Variants in ALDH9A1 observed in about 807,000 individuals in gnomAD.
ALDH9A1 encodes 4-trimethylaminobutyraldehyde dehydrogenase.
In ALDH9A1, 42 loss-of-function variants were observed where a neutral mutation model predicts 56.6. That is an observed-to-expected ratio of 0.74 (90% CI 0.58 to 0.96). The LOEUF (loss-of-function observed/expected upper bound fraction) is 0.96. ALDH9A1 is among the 40% of genes least tolerant of loss of function. The pLI, the probability that ALDH9A1 is intolerant of heterozygous loss-of-function variation, is 0.00. For synonymous variants in ALDH9A1, 242 were observed against 236.0 expected (o/e 1.03, Z -0.23); for missense variants, 661 against 651.5 (o/e 1.01, Z -0.16).
Position 165,695,358 on chromosome 1 carries a change from T to C in ALDH9A1, c.221A>G (p.Glu74Gly). ...TGCATTTTGAACAGCCAAATTTACT[T>C]CCTTTTCTCCTGAACATGTGAAAGT... ...IATFTCSGEKEVNLAVQNAKA... is the reference protein window; with the variant it reads ...IATFTCSGEKGVNLAVQNAKA... The change falls in exon 2 of 11, where the codon GAA (glutamate) becomes GGA (glycine). Residue 74 changes from glutamate (E) to glycine (G), a missense_variant. Physicochemically the swap from Glu to Gly is moderately conservative, Grantham distance 98. Coordinates refer to ENST00000354775, the MANE Select transcript of ALDH9A1 (RefSeq NM_000696.4). 1.9e-6 allele frequency: 3 copies of C among 1,613,172 alleles called. No individual in the cohort carries two copies. The highest frequency in any genetic ancestry group is 2.5e-6 in the Non-Finnish European group (3 of 1,179,582).
At chr1:165,683,213 A>G (rs1249282497) in intron 2 of ALDH9A1, 103 bp from the exon 3 acceptor site, 9 of 1,195,908 alleles carry the variant, frequency 7.5e-6, no homozygotes, top group Non-Finnish European at 1.1e-5. Flanking sequence ...AACTAAAAAT[A>G]GCTTTCACTT....
intron 2 of ALDH9A1, among the ~76,000 whole-genome samples, chr1:165,687,848 C>T (rs1263835532): frequency 6.6e-6 from 1 of 151,836 alleles, no homozygotes; most frequent in African/African-American, 2.4e-5. Context: ...ATTAGCCAGG[C>T]ATGGTGGCAC....
intron 4 of ALDH9A1, among the ~76,000 whole-genome samples, chr1:165,681,618 G>C (rs768968421): frequency 1.1e-4 from 16 of 152,100 alleles, no homozygotes; most frequent in Non-Finnish European, 1.9e-4. Flanking sequence ...TTTAAATACT[G>C]TAAGAAAACT....
intron 6 of ALDH9A1, among the ~76,000 whole-genome samples, chr1:165,672,591 T>C (rs1190932501): frequency 6.6e-6 from 1 of 152,102 alleles, no homozygotes; most frequent in Admixed American, 6.5e-5. Flanking sequence ...ATAATGATGA[T>C]AGTTGTACAC....
At chr1:165,673,837 C>G (rs1214109742) in intron 6 of ALDH9A1, among the ~76,000 whole-genome samples, 1 of 152,096 alleles carries the variant, frequency 6.6e-6, no homozygotes, top group Non-Finnish European at 1.5e-5. Context: ...GGTGTTTGAA[C>G]TAGAGCAACT....
chr1:165,674,449 G>A (rs1421525897), intron 6 of ALDH9A1, among the ~76,000 whole-genome samples: 1 of 151,956 alleles, frequency 6.6e-6, no homozygotes, highest in Non-Finnish European at 1.5e-5. Flanking sequence ...CACTTTGGGA[G>A]GCCGAGGTGG....
intron 2 of ALDH9A1, among the ~76,000 whole-genome samples, chr1:165,686,424 C>T (rs913714279): frequency 6.6e-6 from 1 of 151,790 alleles, no homozygotes; most frequent in East Asian, 1.9e-4. Context: ...GATAGAGAAC[C>T]CCAGAAATCT....
intron 1 of ALDH9A1, among the ~76,000 whole-genome samples, chr1:165,696,894 G>A (rs1411864144): frequency 6.6e-6 from 1 of 152,182 alleles, no homozygotes; most frequent in African/African-American, 2.4e-5. Flanking sequence ...GGATTAAGTC[G>A]GGGTAGAGAA....
intron 2 of ALDH9A1, among the ~76,000 whole-genome samples, chr1:165,684,485 G>A (rs1263632267): frequency 6.6e-6 from 1 of 152,094 alleles, no homozygotes; most frequent in Admixed American, 6.6e-5. Context: ...TAGAAAGAGG[G>A]TACCCTAAGA....
chr1:165,670,266 C>G (rs1649134446), intron 6 of ALDH9A1, among the ~76,000 whole-genome samples: 1 of 152,072 alleles, frequency 6.6e-6, no homozygotes, highest in Non-Finnish European at 1.5e-5. Context: ...AACCCCATCT[C>G]TACAAAAAAC....
At position 165,683,958 on chromosome 1, in the gene ALDH9A1, C is replaced by T. The variant is rs536066267; in HGVS notation, c.328-848G>A. Among the ~76,000 whole-genome samples, 46 of 152,226 alleles carry T rather than the reference C, an allele frequency of 3.0e-4. No individual in the cohort carries two copies. The South Asian group carries it at 9.1e-3, about 30-fold the overall frequency. ...ATAATAGGGTGACTATCAGAACATA[C>T]ATAAAAGATTAAGCAACTGACAAGA... On this transcript the variant is annotated intron_variant, in intron 2 of 10. Coordinates refer to ENST00000354775, the MANE Select transcript of ALDH9A1 (RefSeq NM_000696.4).
intron 1 of ALDH9A1, among the ~76,000 whole-genome samples, chr1:165,696,354 A>G (rs1203225363): frequency 1.3e-5 from 2 of 152,164 alleles, no homozygotes; most frequent in African/African-American, 2.4e-5. Flanking sequence ...TTAACTTCTG[A>G]TTAAGTTTTG....
chr1:165,662,311 G>C lies in ALDH9A1; in HGVS notation c.*739C>G, dbSNP rs1648865926. Reference sequence around the variant, plus strand: ...AGGGTAGCTCCACTGGTGTAAGACAGCAGGCTGTAGTTCAAGGACCCAAGA... The same window carrying C: ...AGGGTAGCTCCACTGGTGTAAGACACCAGGCTGTAGTTCAAGGACCCAAGA... On this transcript the variant is annotated 3_prime_UTR_variant, in exon 11 of 11. Transcript: ENST00000354775. 6.6e-6 allele frequency: 1 copy of C among 152,112 alleles called. No homozygotes were observed. Among genetic ancestry groups the C allele is most frequent in the Admixed American group, 6.5e-5 (1 of 15,276 alleles). 9.4% of individuals were successfully genotyped at this position (152,112 alleles called of 1,614,324 possible). A position where few individuals can be genotyped will look rare whatever the true frequency, so the allele number is the denominator to read the frequency against.
chr1:165,665,390 T>C (rs1648977451), intron 9 of ALDH9A1, among the ~76,000 whole-genome samples: 1 of 152,180 alleles, frequency 6.6e-6, no homozygotes, highest in Admixed American at 6.5e-5. Context: ...TTTTAACAAA[T>C]GGTGCTGAAA....
Position 165,676,811 on chromosome 1 carries a change from T to C in ALDH9A1, c.930+2631A>G, listed in dbSNP as rs1571172826. ...TAGGTATAAAAAAATAAAAGACCTC[T>C]GGACTGCAAAATTGTTTCTCTTTAT... On this transcript the variant is annotated intron_variant, in intron 6 of 10. Coordinates refer to ENST00000354775, the MANE Select transcript of ALDH9A1 (RefSeq NM_000696.4). The C allele has an allele frequency of 1.2e-5, 5 of 401,372 alleles. No homozygotes were observed. The East Asian group carries it at 3.2e-4, about 26-fold the overall frequency. 24.9% of individuals were successfully genotyped at this position (401,372 alleles called of 1,614,324 possible).
intron 1 of ALDH9A1, among the ~76,000 whole-genome samples, chr1:165,696,613 C>T (rs532079295): frequency 1.0e-3 from 158 of 152,008 alleles, no homozygotes; most frequent in African/African-American, 3.6e-3. Context: ...ACCTTTATTC[C>T]CTCTCCCTAT....
intron 6 of ALDH9A1, among the ~76,000 whole-genome samples, chr1:165,672,115 T>C (rs1254853064): frequency 6.6e-6 from 1 of 152,212 alleles, no homozygotes; most frequent in Non-Finnish European, 1.5e-5. Flanking sequence ...CTTCTGGATA[T>C]ATACCCAAAA....
At chr1:165,672,721 G>C (rs1649218070) in intron 6 of ALDH9A1, among the ~76,000 whole-genome samples, 3 of 152,074 alleles carry the variant, frequency 2.0e-5, no homozygotes, top group African/African-American at 7.3e-5. Flanking sequence ...AGAATTGCTT[G>C]AGCTCAGGAG....
Position 165,695,383 on chromosome 1 carries a change from T to G in ALDH9A1, c.196A>C (p.Thr66Pro), listed in dbSNP as rs1385820395. 3 of 1,610,416 alleles carry G rather than the reference T, an allele frequency of 1.9e-6. No individual in the cohort carries two copies. The highest frequency in any genetic ancestry group is 1.7e-6 in the Non-Finnish European group (2 of 1,178,668). The change falls in exon 2 of 11, where the codon ACT becomes CCT. Residue 66 changes from threonine to proline, a missense_variant. By Grantham distance (38) the Thr-to-Pro change is conservative. Coordinates refer to ENST00000354775, the MANE Select transcript of ALDH9A1 (RefSeq NM_000696.4). ...TCCTTTTCTCCTGAACATGTGAAAG[T>G]AGCTATCACTCGGCCTATAAAGAGC... Reference protein sequence around the residue: ...FEPATGRVIATFTCSGEKEVN... With the variant: ...FEPATGRVIAPFTCSGEKEVN...
Sources: gnomAD v4.1 joint callset for allele counts (sites outside exome capture counted in the v4.1 genomes callset) on GRCh38, gnomAD v4.1.1 for gene constraint, MANE v1.5 for transcripts, NCBI Gene and HGNC (gene_info 2026-07-23, HGNC 2026-07-21) for gene names.